Variants in JAZF1 observed in about 807,000 individuals in gnomAD.
The protein encoded by JAZF1 is JAZF zinc finger 1.
In JAZF1, 8 loss-of-function variants were observed where a neutral mutation model predicts 26.4. That is an observed-to-expected ratio of 0.30 (90% confidence interval 0.18 to 0.55). The LOEUF is 0.55. Ranked by LOEUF, JAZF1 falls within the 20% of genes least tolerant of loss-of-function variation. JAZF1 has a pLI of 0.94. For synonymous variants in JAZF1, 126 were observed against 122.3 expected, an observed-to-expected ratio of 1.03 and a Z score of -0.20; for missense variants, 199 against 322.0, an observed-to-expected ratio of 0.62 and a Z score of 2.92.
Position 28,057,574 on chromosome 7 carries a change from A to T in JAZF1, c.116-65593T>A, listed in dbSNP as rs371360154. ...TACAGAGATTTTTCAAACATACACG[A>T]AAGTAAAGAGAATGTTATAATGAAT... On this transcript the variant is annotated intron_variant, in intron 1 of 4. Coordinates refer to ENST00000283928, the MANE Select transcript of JAZF1 (RefSeq NM_175061.4). 1.2e-4 allele frequency among the ~76,000 whole-genome samples: 19 copies of T among 152,336 alleles called. No homozygotes were observed. The East Asian group carries it at 1.9e-3, about 15-fold the overall frequency.
rs1452343479 is a variant in JAZF1, at chr7:28,177,049, G to A, written c.115+3414C>T. Among the ~76,000 whole-genome samples the A allele has an allele frequency of 2.6e-5, 4 of 152,110 alleles. No individual in the cohort carries two copies. The East Asian group carries it at 5.8e-4, about 22-fold the overall frequency. Reference sequence around the variant, plus strand: ...CTCCATGTAACAGACTCAGACCTATGAATGAATTGATAACAAAATTGATGG... The same window carrying A: ...CTCCATGTAACAGACTCAGACCTATAAATGAATTGATAACAAAATTGATGG... On this transcript the variant is annotated intron_variant, in intron 1 of 4. Transcript: ENST00000283928.
chr7:27,978,244 G>A (rs956396478), intron 2 of JAZF1, among the ~76,000 whole-genome samples: 1 of 152,086 alleles, frequency 6.6e-6, no homozygotes, highest in African/African-American at 2.4e-5. Flanking sequence ...TGTTCTGGGG[G>A]CAGAGACAGG....
chr7:28,053,964 T>C (rs1468536543), intron 1 of JAZF1, among the ~76,000 whole-genome samples: 2 of 152,208 alleles, frequency 1.3e-5, no homozygotes. Context: ...GCCATTAGTC[T>C]TTATGCTCCT....
At chr7:28,091,816 CTT>C (rs144262435) in intron 1 of JAZF1, among the ~76,000 whole-genome samples, 2,529 of 152,056 alleles carry the variant, frequency 0.017, 42 homozygotes, top group Non-Finnish European at 0.025. Context: ...AAAATATTCT[CTT>C]GTTTTAAATG....
intron 1 of JAZF1, among the ~76,000 whole-genome samples, chr7:28,104,056 C>T (rs1236491607): frequency 6.6e-6 from 1 of 152,200 alleles, no homozygotes; most frequent in Non-Finnish European, 1.5e-5. Flanking sequence ...CTCCAGCACA[C>T]CGGGCAGGCT....
intron 1 of JAZF1, among the ~76,000 whole-genome samples, chr7:28,129,682 A>G (rs1782757153): frequency 6.6e-6 from 1 of 152,210 alleles, no homozygotes; most frequent in East Asian, 1.9e-4. Context: ...TAAGTTTTTA[A>G]TAAGTAATTT....
chr7:28,007,368 A>C (rs1003185378), intron 1 of JAZF1, among the ~76,000 whole-genome samples: 1 of 152,150 alleles, frequency 6.6e-6, no homozygotes, highest in African/African-American at 2.4e-5. Context: ...AGGGAGTTCG[A>C]GATCAATCCG....
At chr7:27,972,295 G>A (rs1298604942) in intron 2 of JAZF1, among the ~76,000 whole-genome samples, 2 of 152,212 alleles carry the variant, frequency 1.3e-5, no homozygotes, top group East Asian at 1.9e-4. Context: ...AAAAGAAGGG[G>A]AGGACATGAA....
intron 3 of JAZF1, among the ~76,000 whole-genome samples, chr7:27,881,381 G>A (rs909881555): frequency 2.6e-5 from 4 of 152,060 alleles, no homozygotes; most frequent in Non-Finnish European, 2.9e-5. Context: ...TCCTTTACAC[G>A]CAACATAGCA....
At chr7:28,163,127 G>A (rs78276498) in intron 1 of JAZF1, among the ~76,000 whole-genome samples, 10,757 of 152,208 alleles carry the variant, frequency 0.071, 1,071 homozygotes, top group African/African-American at 0.23. Flanking sequence ...ATCAGCTCAT[G>A]GTCATTAAAT....
At chr7:27,860,730 G>T (rs1481312625) in intron 3 of JAZF1, among the ~76,000 whole-genome samples, 1 of 152,180 alleles carries the variant, frequency 6.6e-6, no homozygotes, top group East Asian at 1.9e-4. Flanking sequence ...GCTGGCCAGG[G>T]TCTGTGTTCC....
At chr7:28,159,338 A>T (rs1019863888) in intron 1 of JAZF1, among the ~76,000 whole-genome samples, 1 of 151,728 alleles carries the variant, frequency 6.6e-6, no homozygotes, top group Admixed American at 6.6e-5. Flanking sequence ...CATTTTTAAT[A>T]TAACAAATTT....
chr7:28,091,233 C>T (rs138223165), intron 1 of JAZF1, among the ~76,000 whole-genome samples: 62 of 152,076 alleles, frequency 4.1e-4, no homozygotes, highest in African/African-American at 1.3e-3. Flanking sequence ...TTGAGAGATG[C>T]ACTTTCTTCT....
intron 2 of JAZF1, among the ~76,000 whole-genome samples, chr7:27,948,345 T>C (rs1435554257): frequency 2.0e-5 from 3 of 152,136 alleles, no homozygotes; most frequent in Non-Finnish European, 2.9e-5. Context: ...TTGGTAAAAT[T>C]TATACAGAGG....
intron 1 of JAZF1, among the ~76,000 whole-genome samples, chr7:28,069,117 CAG>C (rs2127909194): frequency 6.6e-6 from 1 of 152,322 alleles, no homozygotes; most frequent in East Asian, 1.9e-4. Context: ...ACTGACAAGG[CAG>C]AGAGGGGATG....
intron 2 of JAZF1, among the ~76,000 whole-genome samples, chr7:27,948,913 A>G (rs1022395065): frequency 1.3e-5 from 2 of 152,150 alleles, no homozygotes; most frequent in African/African-American, 4.8e-5. Flanking sequence ...AACTTCACGG[A>G]TTTCTACCTG....
Position 27,893,790 on chromosome 7 carries a change from C to T in JAZF1, c.385+1430G>A, listed in dbSNP as rs1784014215. Among the ~76,000 whole-genome samples, 11 of 152,284 alleles carry T rather than the reference C, an allele frequency of 7.2e-5. No homozygotes were observed. The South Asian group carries it at 2.1e-3, about 29-fold the overall frequency. On this transcript the variant is annotated intron_variant, in intron 3 of 4. Transcript: ENST00000283928. ...AGCACAAACATGCGGACCTCTTCCA[C>T]CATCTCTATTCACTCCTGCCCAAGG...
At chr7:27,884,405 G>T (rs1442028147) in intron 3 of JAZF1, among the ~76,000 whole-genome samples, 1 of 152,248 alleles carries the variant, frequency 6.6e-6, no homozygotes, top group African/African-American at 2.4e-5. Context: ...GGGATAACAG[G>T]TGTGGGCCAC....
intron 3 of JAZF1, among the ~76,000 whole-genome samples, chr7:27,889,027 C>T (rs1008851736): frequency 1.3e-5 from 2 of 152,102 alleles, no homozygotes; most frequent in Admixed American, 6.5e-5. Flanking sequence ...CTCCAGACAA[C>T]GTGGAATATG....
Sources: allele counts gnomAD v4.1 joint callset (sites outside exome capture counted in the v4.1 genomes callset), GRCh38; gene constraint gnomAD v4.1.1; transcripts MANE v1.5; gene names NCBI Gene and HGNC (gene_info 2026-07-23, HGNC 2026-07-21).